Variants in RPS6KC1 observed in about 807,000 individuals in gnomAD.
The protein encoded by RPS6KC1 is inactive ribosomal protein S6 kinase delta-1.
Under a neutral mutation model 103.8 loss-of-function variants are expected in RPS6KC1, and 54 were observed. The observed-to-expected ratio is 0.52, with a 90% confidence interval of 0.42 to 0.65. The LOEUF (loss-of-function observed/expected upper bound fraction) is 0.65. RPS6KC1 is among the 30% of genes least tolerant of loss of function. The probability of loss-of-function intolerance (pLI) is 0.00; values close to 1 mark genes in which losing one functional copy is unlikely to be tolerated. For synonymous variants in RPS6KC1, 439 were observed against 438.7 expected, an observed-to-expected ratio of 1.00 and a Z score of -0.01; for missense variants, 1,151 against 1,253.8, an observed-to-expected ratio of 0.92 and a Z score of 1.24.
chr1:213,385,196 G>T, the RPS6KC1 span, among the ~76,000 whole-genome samples: 1 of 152,220 alleles, frequency 6.6e-6, no homozygotes, highest in African/African-American at 2.4e-5. Context: ...GGTGGTGTCC[G>T]GGCCCTTTAG....
the RPS6KC1 span, among the ~76,000 whole-genome samples, chr1:213,620,039 C>T: frequency 1.3e-5 from 2 of 152,156 alleles, no homozygotes; most frequent in African/African-American, 4.8e-5. Context: ...TATAGCCGTA[C>T]GTAAGTAGAA....
chr1:213,458,145 C>A, the RPS6KC1 span, among the ~76,000 whole-genome samples: 1 of 152,176 alleles, frequency 6.6e-6, no homozygotes, highest in Admixed American at 6.5e-5. Flanking sequence ...AGCCCTTGGC[C>A]CCATCCTCCT....
chr1:213,306,582 G>A, the RPS6KC1 span, among the ~76,000 whole-genome samples: 1 of 152,126 alleles, frequency 6.6e-6, no homozygotes. Context: ...CTTATATTTC[G>A]AGATACAAAT....
At chr1:213,064,491 C>G (rs141491266) in intron 1 of RPS6KC1, among the ~76,000 whole-genome samples, 1 of 151,656 alleles carries the variant, frequency 6.6e-6, no homozygotes, top group African/African-American at 2.4e-5. Context: ...CCTCAGTCTC[C>G]CTAGTAGCTG....
chr1:213,180,027 A>G (rs1485662372), intron 8 of RPS6KC1, among the ~76,000 whole-genome samples: 2 of 152,230 alleles, frequency 1.3e-5, no homozygotes, highest in South Asian at 2.1e-4. Flanking sequence ...CCATAGCTGT[A>G]TGTTGATTTA....
chr1:213,527,010 C>A, the RPS6KC1 span, among the ~76,000 whole-genome samples: 1 of 152,314 alleles, frequency 6.6e-6, no homozygotes, highest in Admixed American at 6.5e-5. Flanking sequence ...CACAGCCTCA[C>A]CCCATTTGTC....
the RPS6KC1 span, among the ~76,000 whole-genome samples, chr1:213,728,964 T>TTTTTTTTTTTTTTTTTTTTTTTTTTTTG: frequency 7.0e-6 from 1 of 143,156 alleles, no homozygotes; most frequent in Non-Finnish European, 1.5e-5. Context: ...TTTTTTTTTT[T>TTTTTTTTTTTTTTTTTTTTTTTTTTTTG]TACCAGTGGA....
chr1:213,663,576 T>C, the RPS6KC1 span, among the ~76,000 whole-genome samples: 1 of 152,350 alleles, frequency 6.6e-6, no homozygotes, highest in East Asian at 1.9e-4. Context: ...GCAAAATGAA[T>C]ATGAAGCATC....
the RPS6KC1 span, among the ~76,000 whole-genome samples, chr1:213,308,420 G>C: frequency 1.3e-5 from 2 of 151,466 alleles, no homozygotes; most frequent in Non-Finnish European, 2.9e-5. Context: ...TATTATCTCT[G>C]TACCTATGTA....
chr1:213,728,526 C>G, the RPS6KC1 span, among the ~76,000 whole-genome samples: 2 of 152,156 alleles, frequency 1.3e-5, no homozygotes, highest in Non-Finnish European at 1.5e-5. Context: ...GGATCTTCAC[C>G]TTTCTGTGCC....
intron 12 of RPS6KC1, among the ~76,000 whole-genome samples, chr1:213,254,905 G>A (rs912223331): frequency 5.3e-5 from 8 of 152,216 alleles, no homozygotes; most frequent in African/African-American, 7.2e-5. Flanking sequence ...AGAATGTAGC[G>A]GTAGGGAATG....
intron 3 of RPS6KC1, among the ~76,000 whole-genome samples, chr1:213,103,043 C>T (rs926419225): frequency 6.6e-6 from 1 of 152,040 alleles, no homozygotes; most frequent in Non-Finnish European, 1.5e-5. Flanking sequence ...CCTCTCTCTA[C>T]AAAATAATTA....
chr1:213,450,241 A>G, the RPS6KC1 span, among the ~76,000 whole-genome samples: 1 of 151,994 alleles, frequency 6.6e-6, no homozygotes, highest in African/African-American at 2.4e-5. Flanking sequence ...CCAGCAATCA[A>G]CTAGTCCCTA....
chr1:213,555,703 C>T, the RPS6KC1 span, among the ~76,000 whole-genome samples: 6 of 152,290 alleles, frequency 3.9e-5, no homozygotes, highest in South Asian at 1.2e-3. Flanking sequence ...TGTGGTTACT[C>T]TTAAGCATAT....
chr1:213,541,670 G>T, the RPS6KC1 span, among the ~76,000 whole-genome samples: 2 of 152,150 alleles, frequency 1.3e-5, no homozygotes, highest in Admixed American at 6.5e-5. Context: ...TGAGAACACA[G>T]AGCCAAATAA....
chr1:213,314,437 C>T, the RPS6KC1 span, among the ~76,000 whole-genome samples: 1 of 152,204 alleles, frequency 6.6e-6, no homozygotes, highest in Non-Finnish European at 1.5e-5. Flanking sequence ...CCTTAGGTAG[C>T]ATTTCCTAAC....
the RPS6KC1 span, among the ~76,000 whole-genome samples, chr1:213,543,831 T>C: frequency 5.8e-3 from 877 of 152,268 alleles, 12 homozygotes; most frequent in African/African-American, 0.02. Flanking sequence ...CTTGCAGACA[T>C]AGAGTGTAGA....
At chr1:213,068,679 C>T (rs1022779535) in intron 1 of RPS6KC1, among the ~76,000 whole-genome samples, 4 of 151,562 alleles carry the variant, frequency 2.6e-5, no homozygotes, top group Non-Finnish European at 4.4e-5. Flanking sequence ...TCTGTGTTGT[C>T]TAATTTGGTA....
the RPS6KC1 span, among the ~76,000 whole-genome samples, chr1:213,304,819 G>A: frequency 1.3e-5 from 2 of 152,150 alleles, no homozygotes; most frequent in African/African-American, 4.8e-5. Context: ...GGGAATATAG[G>A]CGTGAGCCAG....
Sources: gnomAD v4.1 joint callset for allele counts (sites outside exome capture counted in the v4.1 genomes callset) on GRCh38, gnomAD v4.1.1 for gene constraint, MANE v1.5 for transcripts, NCBI Gene and HGNC (gene_info 2026-07-23, HGNC 2026-07-21) for gene names.